Variants in FLACC1 observed in about 807,000 individuals in gnomAD.
The protein encoded by FLACC1 is flagellum-associated coiled-coil domain-containing protein 1.
Under a neutral mutation model 62.8 loss-of-function variants are expected in FLACC1, and 66 were observed. That is an observed-to-expected ratio of 1.05 (90% confidence interval 0.86 to 1.29). The LOEUF (loss-of-function observed/expected upper bound fraction) is 1.29, where lower values mean the gene tolerates loss of function less well. Among genes scored for constraint, FLACC1 ranks in the 50% most tolerant of loss-of-function variants. The pLI is 0.00. For synonymous variants in FLACC1, 156 were observed against 161.0 expected (o/e 0.97, Z 0.24); for missense variants, 452 against 489.1 (o/e 0.92, Z 0.71).
At position 201,288,763 on chromosome 2, in the gene FLACC1, C is replaced by CTT; in HGVS notation, c.1159_1160dup (p.Asn388ArgfsTer45). 6.2e-7 allele frequency: 1 copy of CTT among 1,613,608 alleles called. No homozygotes were observed. The highest frequency in any genetic ancestry group is 2.2e-5 in the East Asian group (1 of 44,874). On this transcript the variant is annotated frameshift_variant, in exon 15 of 15. Coordinates refer to ENST00000392257, the MANE Select transcript of FLACC1 (RefSeq NM_001127391.3). LOFTEE classifies it low-confidence loss of function (END_TRUNC). ...AACATCCTTCACAAATTTCTTCATT[C>CTT]TTAGAAATTATCTTTTGCCTGTAAA...
intron 11 of FLACC1, among the ~76,000 whole-genome samples, chr2:201,301,395 G>A (rs1949979658): frequency 1.3e-5 from 2 of 152,108 alleles, no homozygotes; most frequent in South Asian, 2.1e-4. Flanking sequence ...AGAGTAAAAA[G>A]AAATGAACAA....
At chr2:201,330,679 A>G (rs1950575629) in intron 8 of FLACC1, 57 bp downstream of exon 8, 2 of 1,583,522 alleles carry the variant, frequency 1.3e-6, no homozygotes, top group African/African-American at 2.7e-5. Flanking sequence ...GAAGCTTATT[A>G]GAAATGCCAT....
upstream of FLACC1, among the ~76,000 whole-genome samples, chr2:201,358,135 C>T (rs1158927634): frequency 1.3e-5 from 2 of 152,170 alleles, no homozygotes; most frequent in African/African-American, 2.4e-5. Flanking sequence ...GGCACTATTG[C>T]TAGGTGTGGG....
intron 8 of FLACC1, 88 bp from the exon 9 acceptor site, chr2:201,330,610 C>T: frequency 6.5e-7 from 1 of 1,531,066 alleles, no homozygotes; most frequent in South Asian, 1.2e-5. Flanking sequence ...GCACACCTTC[C>T]CCACCCCAAA....
In FLACC1 at chr2:201,344,218, T is replaced by C. The variant is rs778287537; in HGVS notation, c.414A>G (p.Thr138=). The change falls in exon 6 of 15, where the codon ACA becomes ACG. Residue 138 remains threonine, a synonymous_variant. Transcript: ENST00000392257. ...SDLEEQISEL[T]AIIEQMNRDH... ...CTCTGTTCATTTGTTCAATTATTGC[T>C]GTCAGCTCTGAGATTTGCTCTTCTA... 1 of 1,614,050 alleles carries C rather than the reference T, an allele frequency of 6.2e-7. No individual in the cohort carries two copies. The highest frequency in any genetic ancestry group is 2.2e-5 in the East Asian group (1 of 44,894).
intron 12 of FLACC1, among the ~76,000 whole-genome samples, chr2:201,293,572 A>T (rs1394714632): frequency 2.6e-5 from 4 of 152,222 alleles, no homozygotes; most frequent in Middle Eastern, 3.2e-3. Flanking sequence ...GAAAGCAGGA[A>T]AGATCTAAAA....
At chr2:201,352,279 C>T (rs1576483361) in intron 1 of FLACC1, among the ~76,000 whole-genome samples, 2 of 152,174 alleles carry the variant, frequency 1.3e-5, no homozygotes, top group Admixed American at 6.5e-5. Context: ...TGAATCTCCT[C>T]GTTTCTCATT....
intron 7 of FLACC1, among the ~76,000 whole-genome samples, chr2:201,339,208 AGTT>A (rs1950755471): frequency 6.6e-6 from 1 of 152,092 alleles, no homozygotes; most frequent in African/African-American, 2.4e-5. Flanking sequence ...TGTTAGTTAT[AGTT>A]GTTCATAATA....
In FLACC1 at chr2:201,288,574, C is replaced by T; in HGVS notation, c.*81G>A. ...ACTAAACTCATTATATGCATTTTCTCAAGAAAACCCTCCCAGGAGTTTCCT... is the reference window on the plus strand; with the variant it reads ...ACTAAACTCATTATATGCATTTTCTTAAGAAAACCCTCCCAGGAGTTTCCT... On this transcript the variant is annotated 3_prime_UTR_variant, in exon 15 of 15. Transcript: ENST00000392257. 1.3e-6 allele frequency: 2 copies of T among 1,529,798 alleles called. No homozygotes were observed. Among genetic ancestry groups the T allele is most frequent in the Non-Finnish European group, 1.8e-6 (2 of 1,131,630 alleles). The allele number at this position is 1,529,798 out of a possible 1,614,324, so 94.8% of individuals were successfully genotyped here. A position where few individuals can be genotyped will look rare whatever the true frequency, so the allele number is the denominator to read the frequency against.
intron 10 of FLACC1, 76 bp from the exon 11 acceptor site, chr2:201,307,698 A>G: frequency 1.9e-6 from 2 of 1,072,582 alleles, no homozygotes; most frequent in Non-Finnish European, 2.9e-6. Flanking sequence ...CAGAATATCT[A>G]AAGATAAAAG....
intron 9 of FLACC1, among the ~76,000 whole-genome samples, chr2:201,314,372 C>T (rs535314715): frequency 6.6e-6 from 1 of 152,148 alleles, no homozygotes; most frequent in Admixed American, 6.5e-5. Flanking sequence ...AAACAATGGA[C>T]ACACTTATAG....
chr2:201,358,177 T>G (rs983232940), upstream of FLACC1, among the ~76,000 whole-genome samples: 1 of 152,182 alleles, frequency 6.6e-6, no homozygotes, highest in Non-Finnish European at 1.5e-5. Context: ...TCAATACAAC[T>G]TAGAGACCAA....
At chr2:201,293,885 T>A (rs1332914603) in intron 12 of FLACC1, among the ~76,000 whole-genome samples, 1 of 151,882 alleles carries the variant, frequency 6.6e-6, no homozygotes, top group Non-Finnish European at 1.5e-5. Flanking sequence ...CAGAGAGTAC[T>A]ATAAACACCT....
At chr2:201,304,962 C>A (rs975109037) in intron 11 of FLACC1, among the ~76,000 whole-genome samples, 10 of 152,184 alleles carry the variant, frequency 6.6e-5, no homozygotes, top group African/African-American at 2.4e-4. Context: ...AAATGTCAGA[C>A]CTAAAACCAT....
intron 2 of FLACC1, 46 bp from the exon 3 acceptor site, chr2:201,350,828 G>A (rs754945313): frequency 1.7e-5 from 27 of 1,548,310 alleles, no homozygotes; most frequent in Admixed American, 3.4e-5. Context: ...TTGGAAATTC[G>A]GAAACCCTTT....
intron 3 of FLACC1, 98 bp from the exon 4 acceptor site, chr2:201,348,400 T>C (rs1950960793): frequency 7.1e-6 from 9 of 1,263,566 alleles, no homozygotes; most frequent in Non-Finnish European, 8.8e-6. Flanking sequence ...TGACTTCTGC[T>C]CTCTGACCTG....
intron 9 of FLACC1, among the ~76,000 whole-genome samples, chr2:201,327,914 C>A (rs1334368879): frequency 1.3e-5 from 2 of 151,660 alleles, no homozygotes; most frequent in Non-Finnish European, 2.9e-5. Flanking sequence ...AACCTAAGTG[C>A]CCGTTGACTA....
chr2:201,318,591 A>C (rs914230987), intron 9 of FLACC1, among the ~76,000 whole-genome samples: 3 of 152,176 alleles, frequency 2.0e-5, no homozygotes, highest in African/African-American at 7.2e-5. Context: ...AAAATAAAAA[A>C]AAAATACATG....
chr2:201,356,180 G>A (rs909923907), intron 1 of FLACC1, among the ~76,000 whole-genome samples: 1 of 152,276 alleles, frequency 6.6e-6, no homozygotes, highest in African/African-American at 2.4e-5. Context: ...ATTGTTTTGA[G>A]ACGGAGTTTT....
Sources: allele counts gnomAD v4.1 joint callset (sites outside exome capture counted in the v4.1 genomes callset), GRCh38; gene constraint gnomAD v4.1.1; transcripts MANE v1.5; gene names NCBI Gene and HGNC (gene_info 2026-07-23, HGNC 2026-07-21).